RIF1: variants seen among roughly 807,000 people sequenced by gnomAD.
RIF1 encodes the protein telomere-associated protein RIF1.
Under a neutral mutation model 247.1 loss-of-function variants are expected in RIF1, and 45 were observed. That is an observed-to-expected ratio of 0.18 (90% CI 0.14 to 0.23). The LOEUF (loss-of-function observed/expected upper bound fraction) is 0.23, where lower values mean the gene tolerates loss of function less well. Among genes scored for constraint, RIF1 ranks in the 10% least tolerant of loss-of-function variants. The pLI is 1.00. For missense variants in RIF1, 2,967 were observed against 2,862.5 expected, an observed-to-expected ratio of 1.04 and a Z score of -0.83; for synonymous variants, 1,087 against 978.8, an observed-to-expected ratio of 1.11 and a Z score of -2.06.
At chr2:151,512,603 T>G (rs13023600), downstream of RIF1, 1 of 753,048 alleles carries the variant, frequency 1.3e-6, no homozygotes, top group Non-Finnish European at 2.3e-6. Flanking sequence ...CGTGAGCCAC[T>G]GCACCTGGTG....
chr2:151,435,328 C>A (rs1015792752), intron 10 of RIF1, 135 bp from the exon 11 acceptor site: 1 of 613,694 alleles, frequency 1.6e-6, no homozygotes, highest in Admixed American at 2.5e-5. Flanking sequence ...CACTTTTTAG[C>A]CTGTTTGTGC....
chr2:151,487,373 C>G (rs1056880248), intron 9 of RIF1, among the ~76,000 whole-genome samples: 3 of 152,162 alleles, frequency 2.0e-5, no homozygotes, highest in African/African-American at 7.2e-5. Context: ...TTTTTTCTTG[C>G]ATTTTGAAAT....
chr2:151,498,190 A>ATAAAT, intron 10 of RIF1: 1 of 1,548,226 alleles, frequency 6.5e-7, no homozygotes, highest in Non-Finnish European at 8.7e-7. Flanking sequence ...TCAAACAAAA[A>ATAAAT]TAAATAAATG....
chr2:151,449,713 C>T (rs1422853781), intron 20 of RIF1, among the ~76,000 whole-genome samples: 2 of 151,602 alleles, frequency 1.3e-5, no homozygotes, highest in African/African-American at 4.9e-5. Context: ...TTTTATTGAT[C>T]ATTACTACAC....
chr2:151,478,866 T>C lies in RIF1; in HGVS notation c.*3795T>C, dbSNP rs6733645. ...ATAAAACAGCAGTTAGTTGGCATTA[T>C]TAGACTAAAACTTGGGTGGGGGGAG... is the stretch of plus-strand genomic sequence containing the variant. On this transcript the variant is annotated 3_prime_UTR_variant, in exon 36 of 36. Transcript: ENST00000444746. The C allele has an allele frequency of 0.26, 38,930 of 152,102 alleles. 5,563 individuals are homozygous for C. The highest frequency in any genetic ancestry group is 0.38 in the Admixed American group (5,733 of 15,278). 9.4% of individuals were successfully genotyped at this position (152,102 alleles called of 1,614,324 possible).
Position 151,461,206 on chromosome 2 carries a change from C to CT in RIF1, c.3147dup (p.Val1050CysfsTer17). ...TTTTGGAAGAGGAAAAGTCTACTGA[C>CT]TTTGTGTTTATACCTCCAGAAGGAA... On this transcript the variant is annotated frameshift_variant, in exon 27 of 36. Transcript: ENST00000444746. LOFTEE classifies it high-confidence loss of function. 6.2e-7 allele frequency: 1 copy of CT among 1,613,142 alleles called. No homozygotes were observed. The highest frequency in any genetic ancestry group is 8.5e-7 in the Non-Finnish European group (1 of 1,179,374).
rs1031242410 is a variant in RIF1, at chr2:151,464,477, A to G, written c.4957A>G (p.Lys1653Glu). 2 of 1,612,976 alleles carry G rather than the reference A, an allele frequency of 1.2e-6. No individual in the cohort carries two copies. The highest frequency in any genetic ancestry group is 1.7e-6 in the Non-Finnish European group (2 of 1,179,790). The change falls in exon 30 of 36, where the codon AAA becomes GAA. Residue 1653 changes from lysine (K) to glutamate (E), a missense_variant. Lys to Glu is a moderately conservative substitution (Grantham distance 56). Transcript: ENST00000444746. Reference sequence around the variant, plus strand: ...TGATTTACCAAATGTGTGTGAGGAAAAAAATGAAACTAGCAAATATGCAGA... The same window carrying G: ...TGATTTACCAAATGTGTGTGAGGAAGAAAATGAAACTAGCAAATATGCAGA... ...PDDLPNVCEE[K>E]NETSKYAEYS... is the part of the protein sequence containing the mutation.
intron 10 of RIF1, chr2:151,496,897 T>C: frequency 5.4e-6 from 8 of 1,491,618 alleles, no homozygotes; most frequent in Non-Finnish European, 7.3e-6. Context: ...ATGAAATAGT[T>C]TTTAAAATCA....
chr2:151,512,205 G>A (rs1321677028), downstream of RIF1, among the ~76,000 whole-genome samples: 4 of 151,598 alleles, frequency 2.6e-5, no homozygotes, highest in Admixed American at 6.6e-5. Context: ...TAATTTTTGT[G>A]TATTTTTTTT....
Position 151,443,684 on chromosome 2 carries a change from C to A in RIF1, c.1961C>A (p.Thr654Asn). 1.3e-6 allele frequency: 2 copies of A among 1,589,860 alleles called. No individual in the cohort carries two copies. Among genetic ancestry groups the A allele is most frequent in the Non-Finnish European group, 8.5e-7 (1 of 1,172,044 alleles). The part of the protein sequence containing the change: ...HLWKMWSVIV[T>N]PLTELINQTN... ...TGGAAAATGTGGAGTGTTATAGTCA[C>A]CCCATTAACTGAATTGATTAATCAG... The change falls in exon 18 of 36, where the codon ACC becomes AAC. Residue 654 changes from threonine to asparagine, a missense_variant. By Grantham distance (65) the Thr-to-Asn change is moderately conservative. Around this residue, in one of 7 missense-constraint regions of RIF1, gnomAD observed 76 missense variants for 113.3 expected, o/e 0.67. Transcript: ENST00000444746.
intron 1 of RIF1, 55 bp downstream of exon 1, chr2:151,410,088 C>T (rs1158996150): frequency 1.4e-6 from 1 of 698,244 alleles, no homozygotes; most frequent in African/African-American, 1.7e-5. Flanking sequence ...TCAGTCTGCC[C>T]ACCCTCCGCC....
chr2:151,448,786 T>C (rs1693760743), intron 20 of RIF1, among the ~76,000 whole-genome samples: 1 of 152,212 alleles, frequency 6.6e-6, no homozygotes, highest in African/African-American at 2.4e-5. Context: ...TCTGTCATGA[T>C]GGTGATTATC....
At chr2:151,513,754 T>G in the RIF1 span, 1 of 1,155,164 alleles carries the variant, frequency 8.7e-7, no homozygotes, top group Admixed American at 2.0e-5. Context: ...GTAATAAACA[T>G]ACAGGGTGAA....
At chr2:151,484,683 T>C (rs1224907186), downstream of RIF1, among the ~76,000 whole-genome samples, 3 of 152,358 alleles carry the variant, frequency 2.0e-5, no homozygotes, top group East Asian at 3.9e-4. Flanking sequence ...ATAGGATTGT[T>C]GCCTACTTGC....
intron 12 of RIF1, chr2:151,503,425 T>C: frequency 6.2e-7 from 1 of 1,610,618 alleles, no homozygotes; most frequent in Non-Finnish European, 8.5e-7. Context: ...TGTTCCCAAG[T>C]TTTCTTTGTA....
Position 151,464,981 on chromosome 2 carries a change from A to G in RIF1, c.5461A>G (p.Asn1821Asp). Residue 1821 changes from asparagine to aspartate, a missense_variant, in exon 30 of 36, where the codon AAC becomes GAC. Asn to Asp is a conservative substitution (Grantham distance 23). Around this residue, in one of 7 missense-constraint regions of RIF1, gnomAD observed 2,028 missense variants for 1,825.6 expected, o/e 1.11. Transcript: ENST00000444746. ...LIVSETKSKE[N>D]TMQESLPSGI... ...TGTTTCTGAAACCAAATCAAAAGAA[A>G]ACACTATGCAAGAATCTCTTCCTTC... The G allele has an allele frequency of 6.3e-7, 1 of 1,575,886 alleles. No individual in the cohort carries two copies.
chr2:151,505,667 A>AAATT lies in RIF1; in HGVS notation c.*862-540_*862-537dup, dbSNP rs2068235632. On this transcript the variant is annotated intron_variant and NMD_transcript_variant, in intron 12 of 13. Coordinates refer to the RIF1 transcript ENST00000454583. Reference sequence around the variant, plus strand: ...GTTTTTTGTAGCCCCCAAATTAAAAAAATTAACAGTGTAAATAACGCAGGC... The same window carrying AAATT: ...GTTTTTTGTAGCCCCCAAATTAAAAAAATTAATTAACAGTGTAAATAACGCAGGC... The AAATT allele has an allele frequency of 1.6e-5, 16 of 999,684 alleles. No individual in the cohort carries two copies. In the South Asian group the frequency reaches 2.1e-4, roughly 13 times the overall value. The allele number at this position is 999,684 out of a possible 1,614,324, so 61.9% of individuals were successfully genotyped here.
At chr2:151,527,408 T>C in the RIF1 span, 2 of 1,127,658 alleles carry the variant, frequency 1.8e-6, no homozygotes, top group Non-Finnish European at 1.3e-6. Flanking sequence ...ATAGTGGTTA[T>C]TATAAATAAT....
chr2:151,452,316 A>G (rs1170451764), intron 21 of RIF1, among the ~76,000 whole-genome samples: 2 of 152,228 alleles, frequency 1.3e-5, no homozygotes, highest in African/African-American at 4.8e-5. Flanking sequence ...AAATCTGTTA[A>G]TTGATTCATT....
Sources: allele counts gnomAD v4.1 joint callset (sites outside exome capture counted in the v4.1 genomes callset), GRCh38; gene constraint gnomAD v4.1.1; regional missense constraint gnomAD v4.1.1; transcripts MANE v1.5; gene names NCBI Gene and HGNC (gene_info 2026-07-23, HGNC 2026-07-21).